METTL8: variants seen among roughly 807,000 people sequenced by gnomAD.
The protein encoded by METTL8 is tRNA N(3)-cytidine methyltransferase METTL8, mitochondrial.
METTL8 carries 32 observed loss-of-function variants against 48.7 expected under a neutral mutation model. The ratio of observed to expected loss-of-function variants is 0.66; its 90% CI spans 0.50 to 0.88. The LOEUF (loss-of-function observed/expected upper bound fraction) is 0.88. Among genes scored for constraint, METTL8 ranks in the 40% least tolerant of loss-of-function variants. The pLI is 0.00. For synonymous variants in METTL8, 136 were observed against 157.1 expected (o/e 0.87, Z 1.01); for missense variants, 464 against 474.4 (o/e 0.98, Z 0.20).
At chr2:171,368,586 G>A (rs1284177934) in intron 2 of METTL8, among the ~76,000 whole-genome samples, 1 of 152,120 alleles carries the variant, frequency 6.6e-6, no homozygotes, top group Non-Finnish European at 1.5e-5. Context: ...TAACAAATGT[G>A]ATTTTTAAAT....
At position 171,331,865 on chromosome 2, in the gene METTL8, T is replaced by G. The variant is rs1345754136; in HGVS notation, c.659A>C (p.Asn220Thr). 1.3e-6 allele frequency: 2 copies of G among 1,592,234 alleles called. No individual in the cohort carries two copies. The highest frequency in any genetic ancestry group is 1.7e-4 in the Middle Eastern group (1 of 5,948). ...ACAATACAGAAAGGACTCCGGAGAG[T>G]TCCTATGAAGATGGAAGAAATATTT... Reference protein sequence around the residue: ...SVFPILNTLENSPESFLYCCD... With the variant: ...SVFPILNTLETSPESFLYCCD... Residue 220 changes from asparagine to threonine, a missense_variant and splice_region_variant, in exon 6 of 10, where the codon AAC becomes ACC. Transcript: ENST00000375258.
intron 2 of METTL8, 22 bp downstream of exon 2, chr2:171,392,021 C>G: frequency 6.5e-7 from 1 of 1,540,398 alleles, no homozygotes; most frequent in Non-Finnish European, 8.7e-7. Context: ...CACATAATAT[C>G]AGATTTAAAA....
chr2:171,333,869 G>T (rs2105404637), intron 5 of METTL8, among the ~76,000 whole-genome samples: 1 of 152,226 alleles, frequency 6.6e-6, no homozygotes, highest in Non-Finnish European at 1.5e-5. Flanking sequence ...TTTAAAAAAA[G>T]AGATAAACAT....
chr2:171,323,612 A>G lies in METTL8; in HGVS notation c.*560T>C, dbSNP rs144943131. ...CTTCCCCAATTTTAGGAAAGGAAAG[A>G]GGAACTAAAATTCTATTTCAGATAT... On this transcript the variant is annotated 3_prime_UTR_variant, in exon 10 of 10. Coordinates refer to ENST00000375258, the MANE Select transcript of METTL8 (RefSeq NM_001321154.2). 1 of 152,300 alleles carries G rather than the reference A, an allele frequency of 6.6e-6. No individual in the cohort carries two copies. Among genetic ancestry groups the G allele is most frequent in the African/African-American group, 2.4e-5 (1 of 41,550 alleles). The allele number at this position is 152,300 out of a possible 1,614,324, so 9.4% of individuals were successfully genotyped here.
At chr2:171,353,276 G>T (rs1418253879) in intron 3 of METTL8, among the ~76,000 whole-genome samples, 5 of 152,100 alleles carry the variant, frequency 3.3e-5, no homozygotes, top group African/African-American at 9.7e-5. Context: ...TAGTTGGGTG[G>T]TTTGGGTGAG....
At chr2:171,393,052 C>T (rs1688726159) in intron 1 of METTL8, among the ~76,000 whole-genome samples, 2 of 151,982 alleles carry the variant, frequency 1.3e-5, no homozygotes, top group South Asian at 2.1e-4. Context: ...TGCAGTGAGC[C>T]GAGATTGTGT....
At chr2:171,426,534 T>A (rs1574254181) in intron 1 of METTL8, among the ~76,000 whole-genome samples, 1 of 152,086 alleles carries the variant, frequency 6.6e-6, no homozygotes, top group African/African-American at 2.4e-5. Context: ...TATGCTATGA[T>A]ATCTGTAACA....
At position 171,339,517 on chromosome 2, in the gene METTL8, T is replaced by C; in HGVS notation, c.273A>G (p.Thr91=). The C allele has an allele frequency of 6.3e-7, 1 of 1,598,642 alleles. No individual in the cohort carries two copies. Among genetic ancestry groups the C allele is most frequent in the Non-Finnish European group, 8.6e-7 (1 of 1,167,600 alleles). The change falls in exon 4 of 10, where the codon ACA becomes ACG. Residue 91 remains threonine (T), a synonymous_variant. Coordinates refer to ENST00000375258, the MANE Select transcript of METTL8 (RefSeq NM_001321154.2). ...ACTTATTCTTATGAATCTTGTAAAA[T>C]GTGTCCCAGTATTTACTAGCTTCTC... ...YEREASKYWD[T]FYKIHKNKFF...
rs1685551862 is a variant in METTL8 at position 171,331,705 on chromosome 2, C to T, written c.720+99G>A. ...GTGCTGGGATTACAGGTGTGAGCCA[C>T]CACGCCCTGCCTCTAGTGATCTTAA... On this transcript the variant is annotated intron_variant, in intron 6 of 9. Transcript: ENST00000375258. The T allele has an allele frequency of 2.2e-5, 21 of 954,064 alleles. No individual in the cohort carries two copies. The South Asian group carries it at 2.9e-4, about 13-fold the overall frequency. The allele number at this position is 954,064 out of a possible 1,614,324, so 59.1% of individuals were successfully genotyped here.
At chr2:171,369,261 G>A (rs1029046334) in intron 2 of METTL8, among the ~76,000 whole-genome samples, 7 of 152,156 alleles carry the variant, frequency 4.6e-5, no homozygotes, top group South Asian at 2.1e-4. Flanking sequence ...AGCCGAGATC[G>A]CGCCACTGTA....
intron 3 of METTL8, among the ~76,000 whole-genome samples, chr2:171,358,129 T>C (rs1684780373): frequency 6.6e-6 from 1 of 151,878 alleles, no homozygotes; most frequent in Non-Finnish European, 1.5e-5. Context: ...GGTGGGCGGA[T>C]CATCTGAGGT....
At position 171,339,257 on chromosome 2, in the gene METTL8, G is replaced by T. The variant is rs1169431086; in HGVS notation, c.533C>A (p.Ser178Tyr). Residue 178 changes from serine (S) to tyrosine (Y), a missense_variant, in exon 4 of 10, where the codon TCT becomes TAT. By Grantham distance (144) the Ser-to-Tyr change is moderately radical. Transcript: ENST00000375258. ...CATAGGTCCTTTTTTGTGTTTTTCA[G>T]AGTCTAGGTTGGAAAAATCAGATTC... is the stretch of plus-strand genomic sequence containing the variant. The part of the protein sequence containing the change: ...KTESDFSNLD[S>Y]EKHKKGPMET... 1 of 1,607,768 alleles carries T rather than the reference G, an allele frequency of 6.2e-7. No homozygotes were observed. The highest frequency in any genetic ancestry group is 8.5e-7 in the Non-Finnish European group (1 of 1,177,392).
chr2:171,427,877 A>G (rs895727896), intron 1 of METTL8, among the ~76,000 whole-genome samples: 1 of 152,212 alleles, frequency 6.6e-6, no homozygotes, highest in African/African-American at 2.4e-5. Context: ...CACATTATGG[A>G]TGAAAAACAA....
Position 171,423,053 on chromosome 2 carries a change from G to A in METTL8, c.-13+10830C>T, listed in dbSNP as rs376037667. On this transcript the variant is annotated intron_variant, in intron 1 of 9. Transcript: ENST00000375258. ...TTATCCTCATGCTGATCTTGTGATA[G>A]TGAGTTCTCATGAGATCTGAGGGTT... 1.4e-4 allele frequency among the ~76,000 whole-genome samples: 21 copies of A among 152,300 alleles called. 1 individual carries two copies. The highest frequency in any genetic ancestry group is 5.1e-4 in the African/African-American group (21 of 41,562).
At chr2:171,396,098 C>T (rs1689035894) in intron 1 of METTL8, among the ~76,000 whole-genome samples, 1 of 151,840 alleles carries the variant, frequency 6.6e-6, no homozygotes, top group African/African-American at 2.4e-5. Flanking sequence ...ATGGTGAAAC[C>T]CCATCTCTAC....
At chr2:171,429,165 CTGAA>C (rs1467524851) in intron 1 of METTL8, among the ~76,000 whole-genome samples, 1 of 151,922 alleles carries the variant, frequency 6.6e-6, no homozygotes, top group African/African-American at 2.4e-5. Context: ...TCTGGATCAT[CTGAA>C]TGAGCACTTT....
chr2:171,359,288 G>A (rs1684914698), intron 3 of METTL8, among the ~76,000 whole-genome samples: 1 of 151,956 alleles, frequency 6.6e-6, no homozygotes, highest in African/African-American at 2.4e-5. Context: ...TCAGAGAAAT[G>A]CAAATCAAAA....
At chr2:171,389,719 G>GT (rs981619336) in intron 2 of METTL8, among the ~76,000 whole-genome samples, 3 of 152,140 alleles carry the variant, frequency 2.0e-5, no homozygotes, top group Non-Finnish European at 4.4e-5. Flanking sequence ...CAGAGATGAG[G>GT]TAGCTGCAGA....
At chr2:171,375,867 G>C (rs758076785) in intron 2 of METTL8, among the ~76,000 whole-genome samples, 1 of 152,186 alleles carries the variant, frequency 6.6e-6, no homozygotes, top group Non-Finnish European at 1.5e-5. Context: ...AATCTACAAT[G>C]CATTCTAGGT....
Sources: gnomAD v4.1 joint callset for allele counts (sites outside exome capture counted in the v4.1 genomes callset) on GRCh38, gnomAD v4.1.1 for gene constraint, MANE v1.5 for transcripts, NCBI Gene and HGNC (gene_info 2026-07-23, HGNC 2026-07-21) for gene names.